Variants in MYO7B observed in about 807,000 individuals in gnomAD.
MYO7B encodes myosin VIIB.
In MYO7B, 212 loss-of-function variants were observed where a neutral mutation model predicts 259.7. The ratio of observed to expected loss-of-function variants is 0.82; its 90% CI spans 0.73 to 0.91. The LOEUF (loss-of-function observed/expected upper bound fraction) is 0.91, where lower values mean the gene tolerates loss of function less well. Ranked by LOEUF, MYO7B falls within the 40% of genes least tolerant of loss-of-function variation. MYO7B has a pLI of 0.00. For missense variants in MYO7B, 2,732 were observed against 2,813.5 expected, an observed-to-expected ratio of 0.97 and a Z score of 0.66; for synonymous variants, 1,197 against 1,166.4, an observed-to-expected ratio of 1.03 and a Z score of -0.54.
chr2:127,549,272 T>C (rs1693359746), intron 1 of MYO7B, among the ~76,000 whole-genome samples: 2 of 152,200 alleles, frequency 1.3e-5, no homozygotes, highest in African/African-American at 4.8e-5. Flanking sequence ...CCCTTTCTTT[T>C]AACCATTTCT....
At chr2:127,552,829 G>A (rs959503890) in intron 1 of MYO7B, among the ~76,000 whole-genome samples, 2 of 152,310 alleles carry the variant, frequency 1.3e-5, no homozygotes, top group East Asian at 3.9e-4. Context: ...CTGGGAGCCA[G>A]GATTCAGTTA....
chr2:127,572,935 C>G (rs997146494), intron 6 of MYO7B, among the ~76,000 whole-genome samples: 1 of 144,234 alleles, frequency 6.9e-6, no homozygotes, highest in African/African-American at 2.5e-5. Context: ...CAGTTAGTAC[C>G]AAAAAAAAAA....
intron 18 of MYO7B, among the ~76,000 whole-genome samples, 158 bp downstream of exon 18, chr2:127,593,802 G>GTAGA (rs1318127780): frequency 6.6e-6 from 1 of 152,250 alleles, no homozygotes; most frequent in Non-Finnish European, 1.5e-5. Context: ...ACCCCTGGAT[G>GTAGA]TAGAACATCA....
intron 6 of MYO7B, among the ~76,000 whole-genome samples, chr2:127,571,442 G>GTTTTTTTTTTTTGTTTTTTTTTT (rs1553448473): frequency 2.4e-5 from 1 of 41,984 alleles, no homozygotes; most frequent in Non-Finnish European, 4.6e-5. Context: ...TTACCAGTGA[G>GTTTTTTTTTTTTGTTTTTTTTTT]TTTTTTTTTT....
rs1214013051 is a variant in MYO7B, at chr2:127,576,739, C to T, written c.849+31C>T. 6.9e-7 allele frequency: 1 copy of T among 1,459,018 alleles called. No homozygotes were observed. The highest frequency in any genetic ancestry group is 1.2e-5 in the South Asian group (1 of 85,872). 90.4% of individuals were successfully genotyped at this position (1,459,018 alleles called of 1,614,324 possible). On this transcript the variant is annotated intron_variant, in intron 8 of 47. Coordinates refer to ENST00000409816, the MANE Select transcript of MYO7B (RefSeq NM_001393586.1). This position sits in a 1 kb window ranked among gnomAD's most constrained non-coding sequence, Gnocchi z 4.9. ...CTGCCCACCTGCCGCCTCCCAGTAG[C>T]CAGTGGAAGGGAGGAAAAAGAGCTT...
At position 127,621,985 on chromosome 2, in the gene MYO7B, C is replaced by T. The variant is rs1400793432; in HGVS notation, c.3529C>T (p.Leu1177=). 6.4e-7 allele frequency: 1 copy of T among 1,551,678 alleles called. No homozygotes were observed. The highest frequency in any genetic ancestry group is 1.4e-5 in the African/African-American group (1 of 73,064). The change falls in exon 28 of 48, where the codon CTA becomes TTA. Residue 1177 remains leucine, a synonymous_variant. Transcript: ENST00000409816. ...FPPSERFMKY[L]LNFIGQGPAT... ...TTCTCCCCTCCTCACCCACCAGTAT[C>T]TACTGAACTTCATCGGCCAAGGGCC...
chr2:127,569,765 T>C (rs769782005), intron 5 of MYO7B, 24 bp from the exon 6 acceptor site: 22 of 1,594,370 alleles, frequency 1.4e-5, no homozygotes, highest in East Asian at 4.5e-5. Flanking sequence ...TGTGGCATCA[T>C]GTCCCTGCAC....
intron 24 of MYO7B, among the ~76,000 whole-genome samples, chr2:127,610,680 G>A (rs1333820438): frequency 3.3e-5 from 5 of 152,232 alleles, no homozygotes; most frequent in Admixed American, 1.3e-4. Flanking sequence ...GCACTCAGTG[G>A]CCCGCCAGTG....
At position 127,582,416 on chromosome 2, in the gene MYO7B, T is replaced by C; in HGVS notation, c.1313T>C (p.Ile438Thr). Residue 438 changes from isoleucine to threonine, a missense_variant, in exon 12 of 48, where the codon ATA (isoleucine) becomes ACA (threonine). Around this residue, in one of 3 missense-constraint regions of MYO7B, gnomAD observed 1,906 missense variants for 2,026.4 expected, o/e 0.94. Transcript: ENST00000409816. ...CGGAGGGCCATCGGCCTCCTGGACATATTTGGCTTTGAAAATTTCGAGAAC... is the reference window on the plus strand; with the variant it reads ...CGGAGGGCCATCGGCCTCCTGGACACATTTGGCTTTGAAAATTTCGAGAAC... ...NVRRAIGLLDIFGFENFENNS... is the reference protein window; with the variant it reads ...NVRRAIGLLDTFGFENFENNS... The C allele has an allele frequency of 6.2e-7, 1 of 1,613,338 alleles. No homozygotes were observed. Among genetic ancestry groups the C allele is most frequent in the Non-Finnish European group, 8.5e-7 (1 of 1,179,708 alleles).
At chr2:127,602,717 T>A (rs1177499074) in intron 19 of MYO7B, among the ~76,000 whole-genome samples, 1 of 151,892 alleles carries the variant, frequency 6.6e-6, no homozygotes, top group Non-Finnish European at 1.5e-5. Context: ...AAGCAACTCC[T>A]GGCTGGCAAG....
rs1004521692 is a variant in MYO7B at position 127,609,019 on chromosome 2, C to T, written c.2814+141C>T. On this transcript the variant is annotated intron_variant, in intron 22 of 47. Transcript: ENST00000409816. This position sits in a 1 kb window ranked among gnomAD's most constrained non-coding sequence, Gnocchi z 6.9. ...GTGCTGCAGCCCTGCTGGTCCCACA[C>T]GGAAGAGGGGAGCGTGCGTGGGTTC... The T allele has an allele frequency of 1.1e-5, 13 of 1,169,430 alleles. No individual in the cohort carries two copies. The highest frequency in any genetic ancestry group is 2.9e-4 in the Middle Eastern group (1 of 3,504). The allele number at this position is 1,169,430 out of a possible 1,614,324, so 72.4% of individuals were successfully genotyped here. A position where few individuals can be genotyped will look rare whatever the true frequency, so the allele number is the denominator to read the frequency against.
chr2:127,637,474 C>T lies in MYO7B; in HGVS notation c.*57C>T. 1.6e-6 allele frequency: 2 copies of T among 1,285,706 alleles called. No individual in the cohort carries two copies. The highest frequency in any genetic ancestry group is 3.1e-5 in the South Asian group (2 of 64,846). 79.6% of individuals were successfully genotyped at this position (1,285,706 alleles called of 1,614,324 possible). On this transcript the variant is annotated 3_prime_UTR_variant, in exon 48 of 48. Transcript: ENST00000409816. ...CTTCCCGACCTCTAGCCTGGCGGCA[C>T]CTTCCCAGGCCCTCTCAACCCAGGG... is the stretch of plus-strand genomic sequence containing the variant.
rs1194155295 is a variant in MYO7B at position 127,581,950 on chromosome 2, A to T, written c.1140A>T (p.Glu380Asp). 6.2e-7 allele frequency: 1 copy of T among 1,613,806 alleles called. No individual in the cohort carries two copies. Among genetic ancestry groups the T allele is most frequent in the East Asian group, 2.2e-5 (1 of 44,870 alleles). The change falls in exon 11 of 48, where the codon GAA becomes GAT. Residue 380 changes from glutamate to aspartate, a missense_variant. Physicochemically the swap from Glu to Asp is conservative, Grantham distance 45 (BLOSUM62 2). This residue lies in a region of MYO7B where 1,906 missense variants were observed against 2,026.4 expected (regional missense o/e 0.94). Transcript: ENST00000409816. Reference protein sequence around the residue: ...LIKHTILIRGEFVTRSLNIAQ... With the variant: ...LIKHTILIRGDFVTRSLNIAQ... Reference sequence around the variant, plus strand: ...AGCACACCATCCTCATCCGAGGGGAATTTGTCACCAGGTCCCTGAACATTG... The same window carrying T: ...AGCACACCATCCTCATCCGAGGGGATTTTGTCACCAGGTCCCTGAACATTG...
chr2:127,610,481 G>A (rs911252625), intron 24 of MYO7B, among the ~76,000 whole-genome samples: 1 of 152,226 alleles, frequency 6.6e-6, no homozygotes, highest in Non-Finnish European at 1.5e-5. Flanking sequence ...ACATGTGTAT[G>A]GGACCTGGGC....
At chr2:127,547,334 G>T (rs985293985) in intron 1 of MYO7B, among the ~76,000 whole-genome samples, 1 of 152,178 alleles carries the variant, frequency 6.6e-6, no homozygotes, top group African/African-American at 2.4e-5. Flanking sequence ...GTTGAAAATC[G>T]CAGCCTCTGC....
At chr2:127,602,680 A>G (rs1663459178) in intron 19 of MYO7B, among the ~76,000 whole-genome samples, 2 of 151,834 alleles carry the variant, frequency 1.3e-5, no homozygotes, top group Admixed American at 1.3e-4. Context: ...GGAAACAACA[A>G]CAACACTTTC....
chr2:127,606,695 G>A (rs1438322154), intron 20 of MYO7B, among the ~76,000 whole-genome samples: 1 of 152,204 alleles, frequency 6.6e-6, no homozygotes, highest in Non-Finnish European at 1.5e-5. Context: ...CAGGTCTTTA[G>A]GAAGCCCAGG....
chr2:127,571,116 C>T (rs918902440), intron 6 of MYO7B, among the ~76,000 whole-genome samples: 8 of 152,166 alleles, frequency 5.3e-5, no homozygotes, highest in African/African-American at 1.4e-4. Flanking sequence ...AAATTGTTGG[C>T]TCAAAAGGCA....
At chr2:127,567,565 G>A (rs1678409705) in intron 5 of MYO7B, among the ~76,000 whole-genome samples, 2 of 152,212 alleles carry the variant, frequency 1.3e-5, no homozygotes. Flanking sequence ...TGCACCCGTT[G>A]TTCCAGGAAC....
Sources: gnomAD v4.1 joint callset for allele counts (sites outside exome capture counted in the v4.1 genomes callset) on GRCh38, gnomAD v4.1.1 for gene constraint, gnomAD v4.1.1 regional missense constraint, Gnocchi (gnomAD v3.1) non-coding constraint, MANE v1.5 for transcripts, NCBI Gene and HGNC (gene_info 2026-07-23, HGNC 2026-07-21) for gene names.